The following MUC6 variants were observed in gnomAD, a reference collection of about 807,000 sequenced individuals.
The protein encoded by MUC6 is mucin-6.
Under a neutral mutation model 201.5 loss-of-function variants are expected in MUC6, and 188 were observed. The observed-to-expected ratio is 0.93, with a 90% CI of 0.83 to 1.05. The LOEUF is 1.05. Ranked by LOEUF, MUC6 falls within the 50% of genes least tolerant of loss-of-function variation. MUC6 has a pLI of 0.00. For synonymous variants in MUC6, 1,228 were observed against 1,389.4 expected (o/e 0.88, Z 2.58); for missense variants, 2,706 against 3,256.9 (o/e 0.83, Z 4.12).
chr11:1,013,924 C>T lies in MUC6; in HGVS notation c.7117G>A (p.Glu2373Lys), dbSNP rs368950511. The T allele has an allele frequency of 9.3e-6, 15 of 1,607,214 alleles. No homozygotes were observed. The highest frequency in any genetic ancestry group is 1.2e-5 in the Non-Finnish European group (14 of 1,177,556). ...CMANVTVTRC[E>K]GACISAASFN... The stretch of plus-strand genomic sequence containing the variant: ...CTGGCAGCGGAAATGCAGGCGCCCT[C>T]ACAGCGGGTTACCGTCACGTTCGCC... The change falls in exon 32 of 33, where the codon GAG becomes AAG. Residue 2373 changes from glutamate (E) to lysine (K), a missense_variant. This residue lies in a region of MUC6 where 586 missense variants were observed against 488.0 expected (regional missense o/e 1.20). Transcript: ENST00000421673.
At position 1,018,025 on chromosome 11, in the gene MUC6, C is replaced by G; in HGVS notation, c.4776G>C (p.Thr1592=). 6.4e-7 allele frequency: 1 copy of G among 1,564,732 alleles called. No homozygotes were observed. The highest frequency in any genetic ancestry group is 1.1e-5 in the South Asian group (1 of 89,832). ...SSPFSSTGPM[T]ATSFKTTTTY... ...TAGTGGTGGTCTTGAAGGATGTTGC[C>G]GTCATGGGACCTGTGGAAGAGAAGG... Residue 1592 remains threonine, a synonymous_variant, in exon 31 of 33, where the codon ACG becomes ACC. Transcript: ENST00000421673.
Position 1,033,104 on chromosome 11 carries a change from G to A in MUC6, c.53-29C>T. On this transcript the variant is annotated intron_variant, in intron 1 of 32. Transcript: ENST00000421673. This position sits in a 1 kb window ranked among gnomAD's most constrained non-coding sequence, Gnocchi z 5.6. ...TGTGGACGGGACCCGCAGTCGGTGT[G>A]GGGCTACCCCGTCGTCCCTGAGGGC... The A allele has an allele frequency of 6.2e-7, 1 of 1,611,118 alleles. No homozygotes were observed. The highest frequency in any genetic ancestry group is 8.5e-7 in the Non-Finnish European group (1 of 1,177,610).
chr11:1,028,131 C>A (rs933041272), intron 14 of MUC6, 72 bp from the exon 15 acceptor site: 20 of 1,534,716 alleles, frequency 1.3e-5, no homozygotes, highest in East Asian at 2.5e-5. Flanking sequence ...AGGGACCCCC[C>A]ACCCTGGCAG....
rs200318996 is a variant in MUC6 at position 1,019,377 on chromosome 11, C to G, written c.3928G>C (p.Ala1310Pro). Residue 1310 changes from alanine (A) to proline (P), a missense_variant, in exon 30 of 33, where the codon GCG (alanine) becomes CCG (proline). Ala to Pro is a conservative substitution (Grantham distance 27). Coordinates refer to ENST00000421673, the MANE Select transcript of MUC6 (RefSeq NM_005961.3). ...TVTQATTRATASTASPATTST... is the reference protein window; with the variant it reads ...TVTQATTRATPSTASPATTST... ...GTCGTGGCTGGGCTGGCGGTCGACG[C>G]CGTGGCCCTGGTTGTGGCCTGGGTC... is the stretch of plus-strand genomic sequence containing the variant. 351 of 1,613,576 alleles carry G rather than the reference C, an allele frequency of 2.2e-4. No individual in the cohort carries two copies. Among genetic ancestry groups the G allele is most frequent in the Non-Finnish European group, 2.9e-4 (344 of 1,179,724 alleles).
intron 1 of MUC6, among the ~76,000 whole-genome samples, chr11:1,034,934 C>G (rs1857184629): frequency 6.6e-6 from 1 of 152,218 alleles, no homozygotes; most frequent in South Asian, 2.1e-4. Context: ...GCGGGAGACT[C>G]CTGCGTTCCT....
chr11:1,014,776 C>T (rs568029414), intron 31 of MUC6, among the ~76,000 whole-genome samples: 2 of 152,306 alleles, frequency 1.3e-5, no homozygotes, highest in Admixed American at 1.3e-4. Context: ...CCTACCTGCC[C>T]GCTGCAGAGG....
At position 1,028,321 on chromosome 11, in the gene MUC6, C is replaced by T; in HGVS notation, c.1658G>A (p.Gly553Asp). ...GGAGTCCACAAACAGCGAGGCGGTG[C>T]CCTCGGCGATACCCATGCTAGTGGT... ...DFTTSMGIAEGTASLFVDSWR... is the reference protein window; with the variant it reads ...DFTTSMGIAEDTASLFVDSWR... Residue 553 changes from glycine (G) to aspartate (D), a missense_variant, in exon 14 of 33, where the codon GGC becomes GAC. Gly to Asp is a moderately conservative substitution (Grantham distance 94, BLOSUM62 -1). This residue lies in a region of MUC6 where 1,850 missense variants were observed against 1,958.3 expected (regional missense o/e 0.94). Coordinates refer to ENST00000421673, the MANE Select transcript of MUC6 (RefSeq NM_005961.3). 2 of 1,612,352 alleles carry T rather than the reference C, an allele frequency of 1.2e-6. No individual in the cohort carries two copies. Among genetic ancestry groups the T allele is most frequent in the Non-Finnish European group, 1.7e-6 (2 of 1,179,748 alleles).
rs372387680 is a variant in MUC6 at position 1,027,258 on chromosome 11, G to A, written c.2231+10C>T. The A allele has an allele frequency of 1.0e-4, 161 of 1,611,984 alleles. No homozygotes were observed. The African/African-American group carries it at 1.7e-3, about 17-fold the overall frequency. ...GGGACCCCCCGCCTGGCCCCTGCCCGGTCCCTCACCAGGTGATGCCGTTGA... is the reference window on the plus strand; with the variant it reads ...GGGACCCCCCGCCTGGCCCCTGCCCAGTCCCTCACCAGGTGATGCCGTTGA... On this transcript the variant is annotated intron_variant, in intron 17 of 32. Transcript: ENST00000421673.
chr11:1,030,545 C>T, intron 7 of MUC6, 28 bp downstream of exon 7: 1 of 1,471,292 alleles, frequency 6.8e-7, no homozygotes, highest in Non-Finnish European at 9.0e-7. Flanking sequence ...GGCCTTCCTG[C>T]CCCTCCCTCT....
rs1856959109 is a variant in MUC6, at chr11:1,026,345, T to C, written c.2528A>G (p.His843Arg). 2 of 1,592,904 alleles carry C rather than the reference T, an allele frequency of 1.3e-6. No individual in the cohort carries two copies. Among genetic ancestry groups the C allele is most frequent in the Non-Finnish European group, 8.5e-7 (1 of 1,170,052 alleles). The change falls in exon 20 of 33, where the codon CAC becomes CGC. Residue 843 changes from histidine (H) to arginine (R), a missense_variant. Physicochemically the swap from His to Arg is conservative, Grantham distance 29. Coordinates refer to ENST00000421673, the MANE Select transcript of MUC6 (RefSeq NM_005961.3). Reference protein sequence around the residue: ...GVSYPGGAELHTDCRTCSCSR... With the variant: ...GVSYPGGAELRTDCRTCSCSR... ...GTCTCACCAGGTCCTGCAGTCAGTG[T>C]GGAGCTCAGCTCCTCCAGGGTAGGA...
Position 1,019,895 on chromosome 11 carries a change from C to T in MUC6, c.3808+195G>A, listed in dbSNP as rs1379602947. 1.2e-5 allele frequency: 9 copies of T among 773,022 alleles called. No individual in the cohort carries two copies. In the Admixed American group the frequency reaches 1.3e-4, roughly 11 times the overall value. The allele number at this position is 773,022 out of a possible 1,614,324, so 47.9% of individuals were successfully genotyped here. ...GCCAGCAGCAAGGAATGCCCCATGC[C>T]ATGACCAGCTTGTCTTTAAAAGTTT... On this transcript the variant is annotated intron_variant, in intron 29 of 32. Transcript: ENST00000421673.
At chr11:1,027,084 C>T (rs771591898) in intron 18 of MUC6, 34 bp from the exon 19 acceptor site, 1 of 1,608,594 alleles carries the variant, frequency 6.2e-7, no homozygotes, top group Non-Finnish European at 8.5e-7. Context: ...TCAGGACACT[C>T]AGAGGAAGCC....
chr11:1,036,521 C>T (rs1039399872), intron 1 of MUC6, 83 bp downstream of exon 1: 29 of 1,462,260 alleles, frequency 2.0e-5, no homozygotes, highest in South Asian at 7.6e-5. Context: ...GCCGAGTTGT[C>T]GAGGCGAGAA....
rs2133812637 is a variant in MUC6 at position 1,016,315 on chromosome 11, A to G, written c.6486T>C (p.Ser2162=). 2 of 1,611,680 alleles carry G rather than the reference A, an allele frequency of 1.2e-6. No individual in the cohort carries two copies. The highest frequency in any genetic ancestry group is 1.7e-6 in the Non-Finnish European group (2 of 1,178,988). The change falls in exon 31 of 33, where the codon TCT becomes TCC. Residue 2162 remains serine (S), a synonymous_variant. Transcript: ENST00000421673. The part of the protein sequence containing the change: ...PQTSSPSVGT[S]SSFVSAPVHS... Reference sequence around the variant, plus strand: ...GCACGGGGGCGGACACGAAAGAGGAAGATGTGCCAACAGAAGGCGATGAAG... The same window carrying G: ...GCACGGGGGCGGACACGAAAGAGGAGGATGTGCCAACAGAAGGCGATGAAG...
At position 1,016,105 on chromosome 11, in the gene MUC6, G is replaced by A. The variant is rs367680153; in HGVS notation, c.6696C>T (p.Thr2232=). Residue 2232 remains threonine, a synonymous_variant, in exon 31 of 33, where the codon ACC becomes ACT. Coordinates refer to ENST00000421673, the MANE Select transcript of MUC6 (RefSeq NM_005961.3). ...LSALLPISTV[T]VSPTPSSHLA... is the part of the protein sequence containing the mutation. ...GGTGGCTGGATGGGGTGGGAGACAC[G>A]GTAACAGTGGATATGGGGAGTAGAG... The A allele has an allele frequency of 2.8e-5, 45 of 1,613,410 alleles. 1 individual carries two copies. The highest frequency in any genetic ancestry group is 2.7e-4 in the African/African-American group (20 of 74,968).
In MUC6 at chr11:1,030,788, G is replaced by C. The variant is rs1019731079; in HGVS notation, c.685-8C>G. ...CTGGGTGCAGATCCGGGCCTGGGGG[G>C]GCCACTCAGGGTCATGGGGGCAAAG... On this transcript the variant is annotated splice_region_variant and splice_polypyrimidine_tract_variant and intron_variant, in intron 6 of 32. Transcript: ENST00000421673. The C allele has an allele frequency of 1.3e-6, 2 of 1,534,772 alleles. No homozygotes were observed. Among genetic ancestry groups the C allele is most frequent in the East Asian group, 2.4e-5 (1 of 40,906 alleles).
rs767873943 is a variant in MUC6 at position 1,031,937 on chromosome 11, C to A, written c.232G>T (p.Ala78Ser). 2.5e-6 allele frequency: 4 copies of A among 1,613,362 alleles called. No homozygotes were observed. Among genetic ancestry groups the A allele is most frequent in the Non-Finnish European group, 2.5e-6 (3 of 1,179,910 alleles). The change falls in exon 3 of 33, where the codon GCC becomes TCC. Residue 78 changes from alanine (A) to serine (S), a missense_variant. Coordinates refer to ENST00000421673, the MANE Select transcript of MUC6 (RefSeq NM_005961.3). ...NYIFAATCKDAFPTFSVQLRR... is the reference protein window; with the variant it reads ...NYIFAATCKDSFPTFSVQLRR... ...AGCTGGACACTGAAGGTGGGGAAGGCGTCCTTGCAGGTGGCCGCGAAGATG... is the reference window on the plus strand; with the variant it reads ...AGCTGGACACTGAAGGTGGGGAAGGAGTCCTTGCAGGTGGCCGCGAAGATG...
chr11:1,014,808 ACT>A (rs1237677259), intron 31 of MUC6, among the ~76,000 whole-genome samples: 1 of 151,840 alleles, frequency 6.6e-6, no homozygotes, highest in African/African-American at 2.4e-5. Flanking sequence ...GAGGGTCAGG[ACT>A]CTGGGTGCTT....
chr11:1,026,714 G>A (rs1273049404), intron 19 of MUC6, among the ~76,000 whole-genome samples: 1 of 152,222 alleles, frequency 6.6e-6, no homozygotes, highest in Non-Finnish European at 1.5e-5. Flanking sequence ...TCCCACACAT[G>A]GGCAGCCCAC....
Sources: gnomAD v4.1 joint callset for allele counts (sites outside exome capture counted in the v4.1 genomes callset) on GRCh38, gnomAD v4.1.1 for gene constraint, gnomAD v4.1.1 regional missense constraint, Gnocchi (gnomAD v3.1) non-coding constraint, MANE v1.5 for transcripts, NCBI Gene and HGNC (gene_info 2026-07-23, HGNC 2026-07-21) for gene names.